Variants in PRR16 observed in about 807,000 individuals in gnomAD.
The protein encoded by PRR16 is proline rich 16, also known as protein Largen.
In PRR16, 6 loss-of-function variants were observed where a neutral mutation model predicts 18.2. The ratio of observed to expected loss-of-function variants is 0.33; its 90% confidence interval spans 0.18 to 0.65. The LOEUF is 0.65. PRR16 is among the 30% of genes least tolerant of loss of function. The pLI, the probability that PRR16 is intolerant of heterozygous loss-of-function variation, is 0.74. For synonymous variants in PRR16, 151 were observed against 147.8 expected (o/e 1.02, Z -0.16); for missense variants, 412 against 376.6 (o/e 1.09, Z -0.78).
chr5:120,490,446 G>T (rs1580638155), intron 1 of PRR16, among the ~76,000 whole-genome samples: 1 of 152,096 alleles, frequency 6.6e-6, no homozygotes. Flanking sequence ...GATCGAATCA[G>T]CTACTGAGGC....
At chr5:120,631,034 T>C (rs554472548) in intron 1 of PRR16, among the ~76,000 whole-genome samples, 1 of 152,312 alleles carries the variant, frequency 6.6e-6, no homozygotes, top group African/African-American at 2.4e-5. Flanking sequence ...TTTTTAATGT[T>C]TGTAATCAAC....
At chr5:120,776,696 T>C in the PRR16 span, among the ~76,000 whole-genome samples, 3 of 152,168 alleles carry the variant, frequency 2.0e-5, no homozygotes, top group Non-Finnish European at 2.9e-5. Context: ...AGATATTGTT[T>C]AAATTTCTCA....
At chr5:120,511,452 C>T (rs1413415849) in intron 1 of PRR16, among the ~76,000 whole-genome samples, 2 of 152,094 alleles carry the variant, frequency 1.3e-5, no homozygotes, top group African/African-American at 2.4e-5. Flanking sequence ...GTCTGGGAGC[C>T]ACTTTGGGCT....
the PRR16 span, among the ~76,000 whole-genome samples, chr5:120,754,212 AT>A: frequency 7.5e-5 from 5 of 67,040 alleles, no homozygotes; most frequent in Non-Finnish European, 1.1e-4. Context: ...TATAAATTAT[AT>A]ATTATAATAT....
the PRR16 span, among the ~76,000 whole-genome samples, chr5:120,777,406 C>A: frequency 6.6e-6 from 1 of 151,676 alleles, no homozygotes; most frequent in African/African-American, 2.4e-5. Context: ...GTACTTAAAA[C>A]ATAATTATTT....
intron 1 of PRR16, among the ~76,000 whole-genome samples, chr5:120,604,843 G>T (rs1163562214): frequency 6.6e-6 from 1 of 152,106 alleles, no homozygotes; most frequent in African/African-American, 2.4e-5. Flanking sequence ...TTTTGTTAAG[G>T]ATGCTGAATA....
chr5:120,690,322 A>G (rs1490488746), downstream of PRR16, among the ~76,000 whole-genome samples: 3 of 152,148 alleles, frequency 2.0e-5, no homozygotes, highest in Admixed American at 2.0e-4. Flanking sequence ...GGTGTGATCA[A>G]GTCATGAATC....
intron 1 of PRR16, among the ~76,000 whole-genome samples, chr5:120,554,923 G>A (rs961822925): frequency 2.0e-5 from 3 of 151,880 alleles, no homozygotes; most frequent in African/African-American, 7.2e-5. Context: ...TTCCAGTAAG[G>A]GGAAGGCATG....
At chr5:120,486,473 C>A (rs1272003681) in intron 1 of PRR16, among the ~76,000 whole-genome samples, 1 of 151,384 alleles carries the variant, frequency 6.6e-6, no homozygotes, top group African/African-American at 2.4e-5. Flanking sequence ...TGTTCATGTC[C>A]TTCGCCCACT....
chr5:120,769,170 C>G, the PRR16 span, among the ~76,000 whole-genome samples: 1 of 151,536 alleles, frequency 6.6e-6, no homozygotes, highest in Non-Finnish European at 1.5e-5. Flanking sequence ...CGGAACAACA[C>G]TTCTACACAG....
At chr5:120,747,134 G>A in the PRR16 span, among the ~76,000 whole-genome samples, 5 of 152,220 alleles carry the variant, frequency 3.3e-5, 1 homozygote, top group African/African-American at 1.2e-4. Context: ...AGCATTCAAA[G>A]TTAATTGTGA....
At chr5:120,484,728 A>C (rs1749736053) in intron 1 of PRR16, among the ~76,000 whole-genome samples, 1 of 149,268 alleles carries the variant, frequency 6.7e-6, no homozygotes, top group South Asian at 2.1e-4. Context: ...CATTTTTTCC[A>C]TCAATGTTAA....
chr5:120,780,633 G>A, the PRR16 span, among the ~76,000 whole-genome samples: 1 of 152,124 alleles, frequency 6.6e-6, no homozygotes, highest in Non-Finnish European at 1.5e-5. Flanking sequence ...AATTAAGTCT[G>A]AGCTAGGCTT....
intron 1 of PRR16, among the ~76,000 whole-genome samples, chr5:120,601,463 TTAGACCTTTGTCAGATGCA>T (rs1158774206): frequency 6.6e-6 from 1 of 152,102 alleles, no homozygotes; most frequent in Non-Finnish European, 1.5e-5. Flanking sequence ...ATGTTGATTA[TTAGACCTTTGTCAGATGCA>T]TAGTTTGAAA....
intron 1 of PRR16, among the ~76,000 whole-genome samples, chr5:120,590,831 A>T (rs1753609604): frequency 6.6e-6 from 1 of 152,202 alleles, no homozygotes; most frequent in African/African-American, 2.4e-5. Context: ...TATTATAAAT[A>T]TGAATAAAAT....
In PRR16 at chr5:120,529,638, A is replaced by T. The variant is rs563427957; in HGVS notation, c.159+64993A>T. Reference sequence around the variant, plus strand: ...TGGCTTGAGAAGTGTTCCTGTTCAAATCAGCTTGATGAGGGGTGAAATAGG... The same window carrying T: ...TGGCTTGAGAAGTGTTCCTGTTCAATTCAGCTTGATGAGGGGTGAAATAGG... On this transcript the variant is annotated intron_variant, in intron 1 of 1. Transcript: ENST00000407149. Among the ~76,000 whole-genome samples the T allele has an allele frequency of 1.8e-4, 27 of 152,262 alleles. No homozygotes were observed. The South Asian group carries it at 5.6e-3, about 32-fold the overall frequency.
chr5:120,602,701 G>T (rs1328695451), intron 1 of PRR16, among the ~76,000 whole-genome samples: 1 of 152,038 alleles, frequency 6.6e-6, no homozygotes, highest in African/African-American at 2.4e-5. Flanking sequence ...CTTTGGGTTT[G>T]TCATAGGTGA....
At chr5:120,619,807 G>T (rs1754628515) in intron 1 of PRR16, among the ~76,000 whole-genome samples, 1 of 151,884 alleles carries the variant, frequency 6.6e-6, no homozygotes. Context: ...TTTGCACTAT[G>T]CACTGTGCTA....
chr5:120,662,896 T>C (rs1247532818), intron 1 of PRR16, among the ~76,000 whole-genome samples: 3 of 152,120 alleles, frequency 2.0e-5, no homozygotes, highest in Non-Finnish European at 4.4e-5. Context: ...CTCTTTGTAC[T>C]TATTGTAGAA....
Sources: gnomAD v4.1 joint callset for allele counts (sites outside exome capture counted in the v4.1 genomes callset) on GRCh38, gnomAD v4.1.1 for gene constraint, MANE v1.5 for transcripts, NCBI Gene and HGNC (gene_info 2026-07-23, HGNC 2026-07-21) for gene names.